Variants in NIPSNAP3B observed in about 807,000 individuals in gnomAD.
NIPSNAP3B encodes nipsnap homolog 3B.
Under a neutral mutation model 31.5 loss-of-function variants are expected in NIPSNAP3B, and 30 were observed. The observed-to-expected ratio is 0.95, with a 90% CI of 0.71 to 1.29. The LOEUF (loss-of-function observed/expected upper bound fraction) is 1.29, where lower values mean the gene tolerates loss of function less well. Among genes scored for constraint, NIPSNAP3B ranks in the 50% most tolerant of loss-of-function variants. The probability of loss-of-function intolerance (pLI) is 0.00; values close to 1 mark genes in which losing one functional copy is unlikely to be tolerated. For missense variants in NIPSNAP3B, 269 were observed against 300.7 expected (o/e 0.89, Z 0.78); for synonymous variants, 106 against 107.9 (o/e 0.98, Z 0.11).
chr9:104,774,792 G>C lies in NIPSNAP3B; in HGVS notation c.*1719G>C, dbSNP rs1828298082. 6.6e-6 allele frequency among the ~76,000 whole-genome samples: 1 copy of C among 152,126 alleles called. No homozygotes were observed. On this transcript the variant is annotated 3_prime_UTR_variant, in exon 6 of 6. Transcript: ENST00000374762. ...CCTTCCAGGGGGTCTAATTTGAAGA[G>C]GAAAGTAATTTAAATGTATAGGTTT...
rs1828143545 is a variant in NIPSNAP3B, at chr9:104,768,902, C to T, written c.311C>T (p.Ala104Val). ...AHRAEVRKALANCKEWQEQSI... is the reference protein window; with the variant it reads ...AHRAEVRKALVNCKEWQEQSI... Reference sequence around the variant, plus strand: ...CGAGCTGAAGTTCGGAAAGCCTTAGCCAACTGTAAGGAATGGCAAGAACAA... The same window carrying T: ...CGAGCTGAAGTTCGGAAAGCCTTAGTCAACTGTAAGGAATGGCAAGAACAA... Residue 104 changes from alanine (A) to valine (V), a missense_variant, in exon 3 of 6, where the codon GCC becomes GTC. Coordinates refer to ENST00000374762, the MANE Select transcript of NIPSNAP3B (RefSeq NM_018376.4). 1 of 1,612,764 alleles carries T rather than the reference C, an allele frequency of 6.2e-7. No individual in the cohort carries two copies.
rs1322914178 is a variant in NIPSNAP3B, at chr9:104,773,756, C to G, written c.*683C>G. ...ACTAATTTCTACTTAGTTTGGATCA[C>G]TAACAGAGATCTTGGGACATTTATT... On this transcript the variant is annotated 3_prime_UTR_variant, in exon 6 of 6. Coordinates refer to ENST00000374762, the MANE Select transcript of NIPSNAP3B (RefSeq NM_018376.4). 4 of 152,150 alleles carry G rather than the reference C, an allele frequency of 2.6e-5. No homozygotes were observed. The East Asian group carries it at 5.8e-4, about 22-fold the overall frequency. The allele number at this position is 152,150 out of a possible 1,614,324, so 9.4% of individuals were successfully genotyped here.
Position 104,777,374 on chromosome 9 carries a change from C to G in NIPSNAP3B, c.*4301C>G, listed in dbSNP as rs1828358767. The G allele has an allele frequency of 6.6e-6, 1 of 152,220 alleles. No individual in the cohort carries two copies. The highest frequency in any genetic ancestry group is 2.4e-5 in the African/African-American group (1 of 41,456). The allele number at this position is 152,220 out of a possible 1,614,324, so 9.4% of individuals were successfully genotyped here. ...AGTGTTAGGTTCATTAGAGACACCT[C>G]TTTCATAACTGCTGTCACCTAGAAT... On this transcript the variant is annotated 3_prime_UTR_variant, in exon 6 of 6. Coordinates refer to ENST00000374762, the MANE Select transcript of NIPSNAP3B (RefSeq NM_018376.4).
At chr9:104,785,270 G>A in the NIPSNAP3B span, 7 of 1,280,066 alleles carry the variant, frequency 5.5e-6, no homozygotes, top group Non-Finnish European at 7.7e-6. Context: ...AGCATAGCTA[G>A]GAATAGTAGA....
the NIPSNAP3B span, chr9:104,786,185 GT>G: frequency 1.1e-6 from 1 of 899,016 alleles, no homozygotes; most frequent in Non-Finnish European, 1.8e-6. Flanking sequence ...CCACTATACT[GT>G]TTTGCTCAGT....
chr9:104,781,584 T>G (rs545678117), downstream of NIPSNAP3B: 1 of 152,650 alleles, frequency 6.6e-6, no homozygotes, highest in Non-Finnish European at 1.5e-5. Context: ...CAACATTTAA[T>G]AGTCACAAAG....
chr9:104,780,653 A>G (rs539579172), downstream of NIPSNAP3B, among the ~76,000 whole-genome samples: 26 of 152,326 alleles, frequency 1.7e-4, 1 homozygote, highest in South Asian at 1.7e-3. Flanking sequence ...AAACAAAAGG[A>G]CACTGAAGGC....
At chr9:104,785,406 G>A in the NIPSNAP3B span, 2 of 1,614,006 alleles carry the variant, frequency 1.2e-6, no homozygotes, top group Non-Finnish European at 1.7e-6. Context: ...TTGGTCAAGT[G>A]TTGTCTGAGA....
downstream of NIPSNAP3B, chr9:104,781,521 A>T (rs1246295014): frequency 6.6e-6 from 1 of 152,634 alleles, no homozygotes; most frequent in African/African-American, 2.4e-5. Flanking sequence ...CAAGAAGAAA[A>T]CACAGACAAA....
intron 3 of NIPSNAP3B, among the ~76,000 whole-genome samples, chr9:104,769,326 T>G (rs1046080422): frequency 6.6e-6 from 1 of 151,826 alleles, no homozygotes; most frequent in African/African-American, 2.4e-5. Context: ...TGGTGGTGCA[T>G]GCCTGTAGTC....
chr9:104,766,665 CA>C (rs1564056918), intron 2 of NIPSNAP3B, 130 bp downstream of exon 2: 5 of 863,264 alleles, frequency 5.8e-6, no homozygotes, highest in Admixed American at 2.5e-5. Flanking sequence ...AAAGCAATAC[CA>C]AAAAAATAAA....
intron 2 of NIPSNAP3B, 85 bp from the exon 3 acceptor site, chr9:104,768,778 C>T (rs1443924515): frequency 1.5e-5 from 18 of 1,225,190 alleles, no homozygotes; most frequent in South Asian, 9.3e-5. Flanking sequence ...TGGCCTTGCA[C>T]GTTTGCTGAA....
At chr9:104,782,606 T>G (rs1828609015), downstream of NIPSNAP3B, 1 of 152,154 alleles carries the variant, frequency 6.6e-6, no homozygotes, top group South Asian at 2.1e-4. Flanking sequence ...AAATGCTCCA[T>G]ATGGAAGTAT....
downstream of NIPSNAP3B, chr9:104,780,992 C>T (rs1828511807): frequency 6.6e-6 from 1 of 152,586 alleles, no homozygotes; most frequent in Admixed American, 6.5e-5. Flanking sequence ...CACAAATGCA[C>T]AAAAGTAAAT....
In NIPSNAP3B at chr9:104,776,363, T is replaced by C. The variant is rs569541816; in HGVS notation, c.*3290T>C. Among the ~76,000 whole-genome samples the C allele has an allele frequency of 1.3e-4, 19 of 149,220 alleles. No individual in the cohort carries two copies. The highest frequency in any genetic ancestry group is 4.5e-4 in the African/African-American group (18 of 40,266). ...TTAAGATTGTAATCCCCTCCCACAG[T>C]GGCCCCTATCTGCTAGAGACTGAAT... On this transcript the variant is annotated 3_prime_UTR_variant, in exon 6 of 6. Coordinates refer to ENST00000374762, the MANE Select transcript of NIPSNAP3B (RefSeq NM_018376.4).
At chr9:104,769,078 A>C in intron 3 of NIPSNAP3B, 57 bp downstream of exon 3, 1 of 1,330,656 alleles carries the variant, frequency 7.5e-7, no homozygotes, top group Non-Finnish European at 1.0e-6. Context: ...AAAGACCTAA[A>C]GTTATAAAGA....
Position 104,770,898 on chromosome 9 carries a change from G to T in NIPSNAP3B, c.480G>T (p.Leu160=). The change falls in exon 4 of 6, where the codon CTG becomes CTT. Residue 160 remains leucine, a synonymous_variant. Coordinates refer to ENST00000374762, the MANE Select transcript of NIPSNAP3B (RefSeq NM_018376.4). ...AGATGAAACCTGGTGGGCCAGCTCTGTGGGGTGATGCATTTGAAAGAGCAA... is the reference window on the plus strand; with the variant it reads ...AGATGAAACCTGGTGGGCCAGCTCTTTGGGGTGATGCATTTGAAAGAGCAA... ...VFQMKPGGPA[L]WGDAFERAIN... is the part of the protein sequence containing the mutation. The T allele has an allele frequency of 1.2e-6, 2 of 1,613,872 alleles. No homozygotes were observed. Among genetic ancestry groups the T allele is most frequent in the Non-Finnish European group, 1.7e-6 (2 of 1,179,778 alleles).
chr9:104,787,839 C>T, the NIPSNAP3B span: 1 of 1,613,540 alleles, frequency 6.2e-7, no homozygotes, highest in South Asian at 1.1e-5. Context: ...CATACAACAG[C>T]CCTGGACATA....
At chr9:104,778,085 C>G (rs73663521), downstream of NIPSNAP3B, among the ~76,000 whole-genome samples, 17,355 of 152,158 alleles carry the variant, frequency 0.11, 1,250 homozygotes, top group East Asian at 0.26. Context: ...ATTTTACTCT[C>G]TCTCACTGGC....
Sources: allele counts gnomAD v4.1 joint callset (sites outside exome capture counted in the v4.1 genomes callset), GRCh38; gene constraint gnomAD v4.1.1; transcripts MANE v1.5; gene names NCBI Gene and HGNC (gene_info 2026-07-23, HGNC 2026-07-21).